B4GALT4: variants seen among roughly 807,000 people sequenced by gnomAD.
B4GALT4 encodes N-acetyllactosamine synthase.
B4GALT4 carries 27 observed loss-of-function variants against 37.3 expected under a neutral mutation model. That is an observed-to-expected ratio of 0.72 (90% CI 0.53 to 1.00). The LOEUF (loss-of-function observed/expected upper bound fraction) is 1.00. Ranked by LOEUF, B4GALT4 falls within the 50% of genes least tolerant of loss-of-function variation. The pLI, the probability that B4GALT4 is intolerant of heterozygous loss-of-function variation, is 0.00. For synonymous variants in B4GALT4, 148 were observed against 154.1 expected (o/e 0.96, Z 0.29); for missense variants, 372 against 413.1 (o/e 0.90, Z 0.86).
chr3:119,225,373 C>T (rs2078578471), intron 4 of B4GALT4, among the ~76,000 whole-genome samples: 1 of 151,996 alleles, frequency 6.6e-6, no homozygotes, highest in African/African-American at 2.4e-5. Context: ...TAACACGAAG[C>T]AGACATATTT....
chr3:119,223,405 G>C (rs184829560), intron 5 of B4GALT4, among the ~76,000 whole-genome samples: 1 of 152,324 alleles, frequency 6.6e-6, no homozygotes, highest in East Asian at 1.9e-4. Flanking sequence ...AACATTCTGT[G>C]TCACTATTCC....
chr3:119,233,885 A>G (rs555046179), intron 2 of B4GALT4, among the ~76,000 whole-genome samples: 1 of 152,334 alleles, frequency 6.6e-6, no homozygotes, highest in East Asian at 1.9e-4. Context: ...GTTCAGAAGT[A>G]AGGTTTCCTT....
chr3:119,216,429 TACACACACACGCACATACAC>T (rs1267811471), intron 6 of B4GALT4, 85 bp from the exon 7 acceptor site: 10 of 595,752 alleles, frequency 1.7e-5, no homozygotes, highest in African/African-American at 1.0e-4. Flanking sequence ...CGAAAATTTA[TACACACACACGCACATACAC>T]ACACACACAC....
chr3:119,227,377 C>T (rs1393376602), intron 3 of B4GALT4, among the ~76,000 whole-genome samples: 1 of 152,156 alleles, frequency 6.6e-6, no homozygotes, highest in African/African-American at 2.4e-5. Flanking sequence ...AGAGTAACTT[C>T]AACTTTGGTC....
In B4GALT4 at chr3:119,236,833, T is replaced by C. The variant is rs1301870970; in HGVS notation, c.-146+20A>G. The C allele has an allele frequency of 3.3e-5, 5 of 152,252 alleles. No individual in the cohort carries two copies. Among genetic ancestry groups the C allele is most frequent in the Non-Finnish European group, 7.3e-5 (5 of 68,044 alleles). 9.4% of individuals were successfully genotyped at this position (152,252 alleles called of 1,614,324 possible). A position where few individuals can be genotyped will look rare whatever the true frequency, so the allele number is the denominator to read the frequency against. On this transcript the variant is annotated intron_variant, in intron 2 of 7. Coordinates refer to ENST00000393765, the MANE Select transcript of B4GALT4 (RefSeq NM_003778.4). ...TTCAGTTCACTAATATCAACACTTTTCTAAGGGTAGGGTCCTCACCTTTAA... is the reference window on the plus strand; with the variant it reads ...TTCAGTTCACTAATATCAACACTTTCCTAAGGGTAGGGTCCTCACCTTTAA...
chr3:119,216,141 C>T, intron 7 of B4GALT4, 99 bp downstream of exon 7: 1 of 972,026 alleles, frequency 1.0e-6, no homozygotes, highest in Non-Finnish European at 1.4e-6. Flanking sequence ...AATCTTTTAA[C>T]ACAATGAACT....
In B4GALT4 at chr3:119,226,965, T is replaced by C. The variant is rs1202688693; in HGVS notation, c.330A>G (p.Arg110=). 3 of 1,614,100 alleles carry C rather than the reference T, an allele frequency of 1.9e-6. No individual in the cohort carries two copies. Among genetic ancestry groups the C allele is most frequent in the African/African-American group, 1.3e-5 (1 of 74,928 alleles). ...EVQAENPKVS[R]GRYRPQECKA... Reference sequence around the variant, plus strand: ...TACATTCCTGAGGGCGATACCGGCCTCTGGACACTTTGGGATTTTCTGCCT... The same window carrying C: ...TACATTCCTGAGGGCGATACCGGCCCCTGGACACTTTGGGATTTTCTGCCT... Residue 110 remains arginine (R), a synonymous_variant, in exon 4 of 8, where the codon AGA becomes AGG. Transcript: ENST00000393765.
intron 6 of B4GALT4, 93 bp from the exon 7 acceptor site, chr3:119,216,437 CACGCACAT>C (rs68075325): frequency 0.76 from 430,466 of 567,588 alleles, 147,196 homozygotes; most frequent in Admixed American, 0.81. Context: ...TATACACACA[CACGCACAT>C]ACACACACAC....
In B4GALT4 at chr3:119,230,089, T is replaced by G. The variant is rs1473659266; in HGVS notation, c.11A>C (p.Asn4Thr). The change falls in exon 3 of 8, where the codon AAC becomes ACC. Residue 4 changes from asparagine (N) to threonine (T), a missense_variant. Physicochemically the swap from Asn to Thr is moderately conservative, Grantham distance 65 (BLOSUM62 0). Coordinates refer to ENST00000393765, the MANE Select transcript of B4GALT4 (RefSeq NM_003778.4). Reference protein sequence around the residue: MGFNLTFHLSYKFR... With the variant: MGFTLTFHLSYKFR... The stretch of plus-strand genomic sequence containing the variant: ...TTTGTAGGAAAGGTGGAAAGTCAGG[T>G]TGAAGCCCATGTTTTTTATTACGTG... The G allele has an allele frequency of 6.2e-7, 1 of 1,614,086 alleles. No individual in the cohort carries two copies. The highest frequency in any genetic ancestry group is 1.1e-5 in the South Asian group (1 of 91,070).
Position 119,224,773 on chromosome 3 carries a change from A to G in B4GALT4, c.487-528T>C, listed in dbSNP as rs80078820. ...AATACAAATAACTCAAATAATCAATAATAATGTACACTTAAAATGTATTGA... is the reference window on the plus strand; with the variant it reads ...AATACAAATAACTCAAATAATCAATGATAATGTACACTTAAAATGTATTGA... On this transcript the variant is annotated intron_variant, in intron 4 of 7. Transcript: ENST00000393765. 9.1e-3 allele frequency among the ~76,000 whole-genome samples: 1,391 copies of G among 152,346 alleles called. 44 individuals carry two copies. The East Asian group carries it at 0.13, about 14-fold the overall frequency.
At position 119,212,418 on chromosome 3, in the gene B4GALT4, C is replaced by A. The variant is rs2078183243; in HGVS notation, c.*131G>T. The A allele has an allele frequency of 2.1e-6, 2 of 955,568 alleles. No individual in the cohort carries two copies. The highest frequency in any genetic ancestry group is 3.1e-6 in the Non-Finnish European group (2 of 648,776). 59.2% of individuals were successfully genotyped at this position (955,568 alleles called of 1,614,324 possible). On this transcript the variant is annotated 3_prime_UTR_variant, in exon 8 of 8. Transcript: ENST00000393765. ...CACCAGGAGCTCTGCTAAGAAAATA[C>A]AAAAAGGAAAAATTCAGCTCAACAA...
At chr3:119,212,883 C>A in intron 7 of B4GALT4, 1 of 517,368 alleles carries the variant, frequency 1.9e-6, no homozygotes, top group Non-Finnish European at 3.4e-6. Flanking sequence ...CACGTGAGAA[C>A]CCGGGGACCC....
chr3:119,218,853 C>A, intron 5 of B4GALT4, 81 bp from the exon 6 acceptor site: 2 of 1,537,970 alleles, frequency 1.3e-6, no homozygotes, highest in East Asian at 4.5e-5. Context: ...TCTAGGAACA[C>A]CTGGGAGACC....
chr3:119,236,395 AT>A (rs1225913113), intron 2 of B4GALT4: 1 of 152,082 alleles, frequency 6.6e-6, no homozygotes, highest in African/African-American at 2.4e-5. Flanking sequence ...TCAATGTAGT[AT>A]GGTTATGTAA....
chr3:119,221,359 G>C (rs141203734), intron 5 of B4GALT4, among the ~76,000 whole-genome samples: 1 of 152,220 alleles, frequency 6.6e-6, no homozygotes, highest in Non-Finnish European at 1.5e-5. Flanking sequence ...CTCTGCATGT[G>C]TGTAAGGTGA....
At chr3:119,220,688 C>A (rs1006716559) in intron 5 of B4GALT4, among the ~76,000 whole-genome samples, 1 of 152,056 alleles carries the variant, frequency 6.6e-6, no homozygotes, top group Non-Finnish European at 1.5e-5. Context: ...CAGAAGAAGA[C>A]AAGTCAGCAA....
intron 4 of B4GALT4, 104 bp from the exon 5 acceptor site, chr3:119,224,349 C>CA: frequency 2.5e-6 from 2 of 790,874 alleles, no homozygotes; most frequent in Non-Finnish European, 3.8e-6. Context: ...AATTATTCTA[C>CA]GCACGAGACT....
At position 119,224,373 on chromosome 3, in the gene B4GALT4, A is replaced by G. The variant is rs2107497523; in HGVS notation, c.487-128T>C. 4 of 630,012 alleles carry G rather than the reference A, an allele frequency of 6.3e-6. No homozygotes were observed. The East Asian group carries it at 9.6e-5, about 15-fold the overall frequency. The allele number at this position is 630,012 out of a possible 1,614,324, so 39.0% of individuals were successfully genotyped here. On this transcript the variant is annotated intron_variant, in intron 4 of 7. Coordinates refer to ENST00000393765, the MANE Select transcript of B4GALT4 (RefSeq NM_003778.4). The stretch of plus-strand genomic sequence containing the variant: ...ACGCACGAGACTACACTTGTGACAT[A>G]AAGATCTGACAGAGAAGATGCAATG...
In B4GALT4 at chr3:119,216,330, C is replaced by G. The variant is rs1478839098; in HGVS notation, c.812G>C (p.Arg271Thr). 6.2e-7 allele frequency: 1 copy of G among 1,613,226 alleles called. No individual in the cohort carries two copies. Among genetic ancestry groups the G allele is most frequent in the Admixed American group, 1.7e-5 (1 of 59,912 alleles). Residue 271 changes from arginine to threonine, a missense_variant, in exon 7 of 8, where the codon AGA becomes ACA. By Grantham distance (71) the Arg-to-Thr change is moderately conservative (BLOSUM62 -1). Coordinates refer to ENST00000393765, the MANE Select transcript of B4GALT4 (RefSeq NM_003778.4). ...DDLRLRVELQRMKISRPLPEV... is the reference protein window; with the variant it reads ...DDLRLRVELQTMKISRPLPEV... ...AGGCAGGGGCCGGGAAATTTTCATT[C>G]TTTGGAGCTCAACCCTAGAAAAATA...
Sources: gnomAD v4.1 joint callset for allele counts (sites outside exome capture counted in the v4.1 genomes callset) on GRCh38, gnomAD v4.1.1 for gene constraint, MANE v1.5 for transcripts, NCBI Gene and HGNC (gene_info 2026-07-23, HGNC 2026-07-21) for gene names.